The following MYO5B variants were observed in gnomAD, a reference collection of about 807,000 sequenced individuals.
MYO5B encodes unconventional myosin-Vb.
Under a neutral mutation model 229.3 loss-of-function variants are expected in MYO5B, and 143 were observed. The ratio of observed to expected loss-of-function variants is 0.62; its 90% CI spans 0.54 to 0.72. The LOEUF is 0.72. MYO5B is among the 30% of genes least tolerant of loss of function. MYO5B has a pLI of 0.00. For synonymous variants in MYO5B, 918 were observed against 885.2 expected (o/e 1.04, Z -0.66); for missense variants, 2,321 against 2,331.0 (o/e 1.00, Z 0.09).
At position 50,171,773 on chromosome 18, in the gene MYO5B, C is replaced by T. The variant is rs1320581331; in HGVS notation, c.27+22994G>A. On this transcript the variant is annotated intron_variant, in intron 1 of 39. Transcript: ENST00000285039. ...GTTGTGGATGATCCCAGACAGGCAA[C>T]CATAAATGGTTATTGTTTAGTGAGT... Among the ~76,000 whole-genome samples, 9 of 127,110 alleles carry T rather than the reference C, an allele frequency of 7.1e-5. 2 individuals are homozygous for T. Among genetic ancestry groups the T allele is most frequent in the Admixed American group, 2.5e-4 (3 of 11,858 alleles). 83.4% of individuals were successfully genotyped at this position (127,110 alleles called of 152,430 possible). A position where few individuals can be genotyped will look rare whatever the true frequency, so the allele number is the denominator to read the frequency against.
chr18:49,834,110 C>G (rs1260852663), intron 39 of MYO5B, among the ~76,000 whole-genome samples: 1 of 152,004 alleles, frequency 6.6e-6, no homozygotes, highest in East Asian at 1.9e-4. Context: ...CTTTTTAGCT[C>G]TTTTCAGGGC....
At chr18:50,005,460 G>C (rs1301301060) in intron 4 of MYO5B, among the ~76,000 whole-genome samples, 1 of 152,166 alleles carries the variant, frequency 6.6e-6, no homozygotes, top group African/African-American at 2.4e-5. Context: ...ACCCAGGCTG[G>C]AGTACAGTGG....
At chr18:50,122,633 GGGAGAGAGAGAGA>G (rs1355742422) in intron 1 of MYO5B, among the ~76,000 whole-genome samples, 5 of 53,752 alleles carry the variant, frequency 9.3e-5, no homozygotes, top group African/African-American at 3.8e-4. Flanking sequence ...GGAAGGGGGG[GGGAGAGAGAGAGA>G]GAGAGAGAGA....
chr18:49,881,663 A>G (rs1217643), intron 22 of MYO5B, among the ~76,000 whole-genome samples: 91,159 of 151,544 alleles, frequency 0.6, 27,452 homozygotes, highest in Middle Eastern at 0.67. Flanking sequence ...TTAGCCAGGC[A>G]TGGTGTTGGG....
At chr18:50,091,335 G>T (rs1219531483) in intron 1 of MYO5B, among the ~76,000 whole-genome samples, 1 of 152,150 alleles carries the variant, frequency 6.6e-6, no homozygotes, top group Non-Finnish European at 1.5e-5. Context: ...CTCCTCTCAA[G>T]TTCTTTGGCA....
chr18:49,934,540 G>GTC (rs1360568773), intron 16 of MYO5B, among the ~76,000 whole-genome samples: 1 of 152,186 alleles, frequency 6.6e-6, no homozygotes, highest in Non-Finnish European at 1.5e-5. Flanking sequence ...GCCACAGCTG[G>GTC]TCTGGCCCAG....
Position 49,832,224 on chromosome 18 carries a change from T to C in MYO5B, c.5394+3120A>G, listed in dbSNP as rs147857110. 6.9e-4 allele frequency among the ~76,000 whole-genome samples: 105 copies of C among 152,328 alleles called. 3 individuals carry two copies. In the East Asian group the frequency reaches 0.019, roughly 28 times the overall value. On this transcript the variant is annotated intron_variant, in intron 39 of 39. Coordinates refer to ENST00000285039, the MANE Select transcript of MYO5B (RefSeq NM_001080467.3). The stretch of plus-strand genomic sequence containing the variant: ...ACACACATACCCCAAAACCATGGGA[T>C]GGAGAAGAGTACCCTTCTGATAAGG...
At chr18:50,193,486 T>G (rs965270685) in intron 1 of MYO5B, among the ~76,000 whole-genome samples, 6 of 152,196 alleles carry the variant, frequency 3.9e-5, no homozygotes, top group Non-Finnish European at 8.8e-5. Context: ...CTTAGAAGGG[T>G]GGCCAGCCCA....
Position 50,103,220 on chromosome 18 carries a change from G to C in MYO5B, c.28-47842C>G, listed in dbSNP as rs141691242. 8.1e-3 allele frequency among the ~76,000 whole-genome samples: 1,228 copies of C among 152,346 alleles called. 8 individuals are homozygous for C. The highest frequency in any genetic ancestry group is 0.028 in the African/African-American group (1,168 of 41,580). On this transcript the variant is annotated intron_variant, in intron 1 of 39. Transcript: ENST00000285039. ...CAGTGGACCAAAAGGTCCTAAATTT[G>C]AGGGTAACTAGGTGCTGCCTAGCCA...
intron 2 of MYO5B, among the ~76,000 whole-genome samples, chr18:50,053,396 T>TGGCA (rs1373531764): frequency 6.6e-6 from 1 of 152,314 alleles, no homozygotes; most frequent in Non-Finnish European, 1.5e-5. Context: ...TTTAGCAACA[T>TGGCA]GGCAGATCAT....
At chr18:50,141,897 G>A (rs2032423851) in intron 1 of MYO5B, among the ~76,000 whole-genome samples, 1 of 152,198 alleles carries the variant, frequency 6.6e-6, no homozygotes, top group Admixed American at 6.5e-5. Context: ...AAAGACCAAA[G>A]TAGTGACAAT....
chr18:50,004,797 T>C (rs570049571), intron 4 of MYO5B, among the ~76,000 whole-genome samples: 1 of 152,322 alleles, frequency 6.6e-6, no homozygotes, highest in South Asian at 2.1e-4. Flanking sequence ...ATTAGGCATA[T>C]ACACACTATT....
At chr18:50,077,511 ACAC>A (rs2031116402) in intron 1 of MYO5B, among the ~76,000 whole-genome samples, 1 of 120,542 alleles carries the variant, frequency 8.3e-6, no homozygotes, top group Non-Finnish European at 1.6e-5. Flanking sequence ...AAACACACAC[ACAC>A]ACACACACAC....
chr18:49,840,251 T>A (rs904121290), intron 35 of MYO5B: 1 of 152,354 alleles, frequency 6.6e-6, no homozygotes, highest in East Asian at 1.9e-4. Flanking sequence ...TAACATTACA[T>A]GTAGTTCTAT....
chr18:49,972,616 G>T (rs2025703389), intron 10 of MYO5B, among the ~76,000 whole-genome samples: 2 of 152,128 alleles, frequency 1.3e-5, no homozygotes, highest in Non-Finnish European at 2.9e-5. Flanking sequence ...GGTTTCCCCA[G>T]GTCTTACTTG....
intron 27 of MYO5B, among the ~76,000 whole-genome samples, chr18:49,867,321 A>G (rs968391494): frequency 4.6e-5 from 7 of 152,180 alleles, no homozygotes; most frequent in African/African-American, 1.7e-4. Flanking sequence ...TGTGTCATCT[A>G]TTGAGACAAG....
In MYO5B at chr18:50,035,536, C is replaced by T. The variant is rs372581203; in HGVS notation, c.455+1314G>A. 3.3e-5 allele frequency among the ~76,000 whole-genome samples: 5 copies of T among 152,322 alleles called. No homozygotes were observed. In the East Asian group the frequency reaches 7.7e-4, roughly 24 times the overall value. ...TCCTCTGTGCCATACCCGCGGCCTC[C>T]AACAGAAACTCATGCGCAGGCTGCA... On this transcript the variant is annotated intron_variant, in intron 4 of 39. Coordinates refer to ENST00000285039, the MANE Select transcript of MYO5B (RefSeq NM_001080467.3).
At chr18:49,927,380 A>G (rs2025140513) in intron 17 of MYO5B, among the ~76,000 whole-genome samples, 1 of 152,104 alleles carries the variant, frequency 6.6e-6, no homozygotes, top group Non-Finnish European at 1.5e-5. Context: ...AAATCCTAAA[A>G]TCATATGGAA....
chr18:50,038,789 G>A (rs1427779035), intron 3 of MYO5B, among the ~76,000 whole-genome samples: 1 of 152,136 alleles, frequency 6.6e-6, no homozygotes, highest in Non-Finnish European at 1.5e-5. Flanking sequence ...AACAGAACCT[G>A]ATGGTCACTT....
Sources: allele counts gnomAD v4.1 joint callset (sites outside exome capture counted in the v4.1 genomes callset), GRCh38; gene constraint gnomAD v4.1.1; transcripts MANE v1.5; gene names NCBI Gene and HGNC (gene_info 2026-07-23, HGNC 2026-07-21).